ANGPT4: variants seen among roughly 807,000 people sequenced by gnomAD.
ANGPT4 encodes angiopoietin 4, also known as angiopoietin-4.
ANGPT4 carries 50 observed loss-of-function variants against 53.0 expected under a neutral mutation model. The observed-to-expected ratio is 0.94, with a 90% CI of 0.75 to 1.20. The LOEUF is 1.20. ANGPT4 is among the 50% of genes most tolerant of loss of function. ANGPT4 has a pLI of 0.00. For synonymous variants in ANGPT4, 251 were observed against 259.7 expected, an observed-to-expected ratio of 0.97 and a Z score of 0.32; for missense variants, 648 against 637.1, an observed-to-expected ratio of 1.02 and a Z score of -0.18.
At chr20:900,260 G>T (rs1161048217) in intron 1 of ANGPT4, among the ~76,000 whole-genome samples, 1 of 152,056 alleles carries the variant, frequency 6.6e-6, no homozygotes, top group East Asian at 1.9e-4. Context: ...ACAGTGAATG[G>T]TTGCTTGTAG....
chr20:880,351 G>A (rs1270771510), intron 5 of ANGPT4, among the ~76,000 whole-genome samples: 1 of 152,160 alleles, frequency 6.6e-6, no homozygotes, highest in Non-Finnish European at 1.5e-5. Context: ...TTTGAGGGCC[G>A]AGGAGGGAGG....
intron 1 of ANGPT4, among the ~76,000 whole-genome samples, chr20:894,794 G>T (rs1228016856): frequency 1.3e-5 from 2 of 152,168 alleles, no homozygotes; most frequent in Admixed American, 1.3e-4. Flanking sequence ...CTTGCCCAAG[G>T]TCACCATCTG....
intron 1 of ANGPT4, among the ~76,000 whole-genome samples, chr20:909,699 T>C (rs775040483): frequency 1.2e-4 from 18 of 152,100 alleles, no homozygotes; most frequent in Middle Eastern, 3.4e-3. Context: ...AGTCACAGAG[T>C]GGAAAAGCAA....
chr20:882,648 AGCATGAGGAGGCTGTTG>A (rs1248387315), intron 4 of ANGPT4, among the ~76,000 whole-genome samples: 1 of 152,190 alleles, frequency 6.6e-6, no homozygotes, highest in Non-Finnish European at 1.5e-5. Context: ...AGTCCAGCCA[AGCATGAGGAGGCTGTTG>A]GCCTCAAGGT....
rs961369812 is a variant in ANGPT4, at chr20:874,274, C to G, written c.1351+10G>C. 4 of 1,613,738 alleles carry G rather than the reference C, an allele frequency of 2.5e-6. No homozygotes were observed. The East Asian group carries it at 8.9e-5, about 36-fold the overall frequency. ...TGGGTGGGCGGAGCTTCACCCCACC[C>G]TGCACCTACCTCCAGACATCACTTG... On this transcript the variant is annotated intron_variant, in intron 8 of 8. Transcript: ENST00000381922.
chr20:889,874 G>T (rs1981764734), intron 2 of ANGPT4, among the ~76,000 whole-genome samples: 1 of 152,196 alleles, frequency 6.6e-6, no homozygotes, highest in African/African-American at 2.4e-5. Flanking sequence ...CAGAGGCCCA[G>T]TGAATTGTTT....
intron 1 of ANGPT4, among the ~76,000 whole-genome samples, chr20:891,017 T>G (rs1382689456): frequency 6.6e-6 from 1 of 152,250 alleles, no homozygotes; most frequent in East Asian, 1.9e-4. Context: ...TTTCTCTCTC[T>G]AGAATGTCAA....
At chr20:901,051 G>T (rs1982266132) in intron 1 of ANGPT4, among the ~76,000 whole-genome samples, 1 of 151,952 alleles carries the variant, frequency 6.6e-6, no homozygotes, top group African/African-American at 2.4e-5. Context: ...CCCACTCTAG[G>T]TTCCGACATT....
rs772969383 is a variant in ANGPT4, at chr20:915,993, G to A, written c.222C>T (p.Ala74=). The A allele has an allele frequency of 1.2e-6, 2 of 1,613,518 alleles. No homozygotes were observed. Among genetic ancestry groups the A allele is most frequent in the East Asian group, 4.5e-5 (2 of 44,864 alleles). ...DSNTLQRESL[A]NPLHLGKLPT... The stretch of plus-strand genomic sequence containing the variant: ...GCAACTTCCCCAGGTGCAGTGGGTT[G>A]GCCAGTGATTCTCTCTGGAGGGTGT... Residue 74 remains alanine (A), a synonymous_variant, in exon 1 of 9, where the codon GCC becomes GCT. Transcript: ENST00000381922.
chr20:884,610 G>T (rs1158824478), intron 4 of ANGPT4, among the ~76,000 whole-genome samples: 2 of 152,238 alleles, frequency 1.3e-5, no homozygotes, highest in Non-Finnish European at 2.9e-5. Flanking sequence ...CTTCTGTTTG[G>T]CCCTCTTGGG....
At chr20:894,550 G>T (rs1981970109) in intron 1 of ANGPT4, among the ~76,000 whole-genome samples, 1 of 152,178 alleles carries the variant, frequency 6.6e-6, no homozygotes, top group South Asian at 2.1e-4. Context: ...CTAATGTGTG[G>T]CTGGCTGGGC....
chr20:880,036 G>A (rs1300379284), intron 5 of ANGPT4, among the ~76,000 whole-genome samples, 188 bp from the exon 6 acceptor site: 1 of 152,188 alleles, frequency 6.6e-6, no homozygotes, highest in Non-Finnish European at 1.5e-5. Flanking sequence ...AAAGTGGTGG[G>A]TAAGGAATGA....
chr20:911,458 G>A lies in ANGPT4; in HGVS notation c.309+4448C>T, dbSNP rs758621107. Among the ~76,000 whole-genome samples, 7 of 152,194 alleles carry A rather than the reference G, an allele frequency of 4.6e-5. No homozygotes were observed. The East Asian group carries it at 5.8e-4, about 13-fold the overall frequency. On this transcript the variant is annotated intron_variant, in intron 1 of 8. Transcript: ENST00000381922. This position sits in a 1 kb window ranked among gnomAD's most constrained non-coding sequence, Gnocchi z 4.9. ...CCCTGGGTCTTCAGTGTGGACACTC[G>A]GGGAGGTAGAGGTGGGAGGGATGGC... is the stretch of plus-strand genomic sequence containing the variant.
At position 885,109 on chromosome 20, in the gene ANGPT4, C is replaced by T; in HGVS notation, c.804G>A (p.Leu268=). ...LRQLLVLLRH[L]VQERANASAP... ...CCGAGGCGTTAGCCCTTTCTTGCAC[C>T]AGGTGCCGCAACAACACCAGCAGCT... is the stretch of plus-strand genomic sequence containing the variant. Residue 268 remains leucine (L), a synonymous_variant, in exon 4 of 9, where the codon CTG becomes CTA. Coordinates refer to ENST00000381922, the MANE Select transcript of ANGPT4 (RefSeq NM_015985.4). The T allele has an allele frequency of 6.2e-7, 1 of 1,613,610 alleles. No homozygotes were observed. Among genetic ancestry groups the T allele is most frequent in the Non-Finnish European group, 8.5e-7 (1 of 1,179,882 alleles).
At chr20:885,495 C>T (rs1043278618) in intron 3 of ANGPT4, among the ~76,000 whole-genome samples, 170 bp from the exon 4 acceptor site, 1 of 152,146 alleles carries the variant, frequency 6.6e-6, no homozygotes, top group East Asian at 1.9e-4. Flanking sequence ...AAGAGATACC[C>T]GGCCCTGGAG....
chr20:882,142 A>G (rs540157923), intron 4 of ANGPT4, among the ~76,000 whole-genome samples: 6 of 152,256 alleles, frequency 3.9e-5, no homozygotes, highest in Non-Finnish European at 2.9e-5. Flanking sequence ...GCTGGCCTTA[A>G]AGGGCCCCTG....
rs1262805285 is a variant in ANGPT4 at position 911,780 on chromosome 20, A to T, written c.309+4126T>A. Among the ~76,000 whole-genome samples the T allele has an allele frequency of 6.6e-6, 1 of 151,982 alleles. No homozygotes were observed. Among genetic ancestry groups the T allele is most frequent in the Admixed American group, 6.6e-5 (1 of 15,248 alleles). ...CAGTGAGCTGTGATTGCACCATTGC[A>T]CCCCAGTGTGGTTGAGAGAGTCAGA... On this transcript the variant is annotated intron_variant, in intron 1 of 8. Coordinates refer to ENST00000381922, the MANE Select transcript of ANGPT4 (RefSeq NM_015985.4). This position sits in a 1 kb window ranked among gnomAD's most constrained non-coding sequence, Gnocchi z 4.9.
chr20:883,006 T>G (rs1981472119), intron 4 of ANGPT4, among the ~76,000 whole-genome samples: 1 of 152,240 alleles, frequency 6.6e-6, no homozygotes. Flanking sequence ...TGTACCAGTT[T>G]CCCTCGCTTT....
At chr20:913,522 G>A (rs115906730) in intron 1 of ANGPT4, among the ~76,000 whole-genome samples, 1,733 of 152,324 alleles carry the variant, frequency 0.011, 34 homozygotes, top group African/African-American at 0.039. Context: ...TTTCAGGCTA[G>A]GTGAATGGAT....
Sources: allele counts gnomAD v4.1 joint callset (sites outside exome capture counted in the v4.1 genomes callset), GRCh38; gene constraint gnomAD v4.1.1; non-coding constraint Gnocchi (gnomAD v3.1); transcripts MANE v1.5; gene names NCBI Gene and HGNC (gene_info 2026-07-23, HGNC 2026-07-21).